Variants in GRM8 observed in about 807,000 individuals in gnomAD.
The protein encoded by GRM8 is metabotropic glutamate receptor 8.
A neutral mutation model predicts 87.2 loss-of-function variants in GRM8; 47 were observed. That is an observed-to-expected ratio of 0.54 (90% confidence interval 0.43 to 0.69). The LOEUF (loss-of-function observed/expected upper bound fraction) is 0.69, where lower values mean the gene tolerates loss of function less well. GRM8 is among the 30% of genes least tolerant of loss of function. GRM8 has a pLI of 0.00. For missense variants in GRM8, 1,019 were observed against 1,139.2 expected (o/e 0.89, Z 1.52); for synonymous variants, 396 against 404.5 (o/e 0.98, Z 0.25).
chr7:126,730,152 C>A (rs1269703605), intron 7 of GRM8, among the ~76,000 whole-genome samples: 1 of 152,088 alleles, frequency 6.6e-6, no homozygotes, highest in Non-Finnish European at 1.5e-5. Flanking sequence ...TGATGTAAGA[C>A]TCATGGAACT....
intron 3 of GRM8, among the ~76,000 whole-genome samples, chr7:126,965,768 T>A (rs764988628): frequency 1.8e-4 from 28 of 152,070 alleles, no homozygotes; most frequent in Non-Finnish European, 3.5e-4. Context: ...ACCACTGGCA[T>A]CCCCACTGAC....
At chr7:126,975,953 A>G (rs1173977860) in intron 3 of GRM8, among the ~76,000 whole-genome samples, 1 of 152,098 alleles carries the variant, frequency 6.6e-6, no homozygotes, top group Non-Finnish European at 1.5e-5. Flanking sequence ...TTTAATTATT[A>G]TTAATTTTCT....
At chr7:126,947,072 G>T (rs767745339) in intron 3 of GRM8, among the ~76,000 whole-genome samples, 12 of 152,118 alleles carry the variant, frequency 7.9e-5, no homozygotes, top group Non-Finnish European at 1.8e-4. Context: ...GGTTATTTTA[G>T]CACATCTTCT....
At chr7:126,495,549 T>C (rs1350090700) in intron 9 of GRM8, among the ~76,000 whole-genome samples, 1 of 151,972 alleles carries the variant, frequency 6.6e-6, no homozygotes, top group Non-Finnish European at 1.5e-5. Context: ...AACTTAAATG[T>C]AGAATTCTAA....
At chr7:126,631,777 G>A (rs187509807) in intron 7 of GRM8, among the ~76,000 whole-genome samples, 1 of 152,256 alleles carries the variant, frequency 6.6e-6, no homozygotes, top group East Asian at 1.9e-4. Flanking sequence ...AACAAGCAAT[G>A]GCAGAAGGAC....
chr7:126,483,534 T>C (rs566262880), intron 9 of GRM8, among the ~76,000 whole-genome samples: 1 of 135,674 alleles, frequency 7.4e-6, no homozygotes, highest in African/African-American at 2.7e-5. Context: ...ATTGAAGGGC[T>C]GACAAAAACC....
At chr7:126,615,930 AC>A (rs1457466089) in intron 7 of GRM8, among the ~76,000 whole-genome samples, 1 of 152,166 alleles carries the variant, frequency 6.6e-6, no homozygotes, top group African/African-American at 2.4e-5. Context: ...ATAATGGGAG[AC>A]TTTAACACCC....
At chr7:127,131,596 G>A (rs150652726) in intron 2 of GRM8, among the ~76,000 whole-genome samples, 14 of 151,984 alleles carry the variant, frequency 9.2e-5, no homozygotes, top group Admixed American at 2.0e-4. Context: ...TGGGGACACT[G>A]GTTTAAGGTA....
At chr7:126,810,089 A>G (rs1793146049) in intron 6 of GRM8, among the ~76,000 whole-genome samples, 1 of 152,180 alleles carries the variant, frequency 6.6e-6, no homozygotes. Flanking sequence ...CTCTCATTAT[A>G]AAGACAATTC....
At chr7:127,082,978 A>G (rs1216568234) in intron 3 of GRM8, among the ~76,000 whole-genome samples, 1 of 152,160 alleles carries the variant, frequency 6.6e-6, no homozygotes, top group African/African-American at 2.4e-5. Context: ...ACAGAAACAC[A>G]ACCAAGAGGA....
intron 9 of GRM8, among the ~76,000 whole-genome samples, chr7:126,503,769 C>T (rs1055639671): frequency 6.6e-6 from 1 of 151,994 alleles, no homozygotes; most frequent in Non-Finnish European, 1.5e-5. Flanking sequence ...CTCATGTAGA[C>T]AGGGGAGTTG....
chr7:127,036,847 C>T (rs1222109822), intron 3 of GRM8, among the ~76,000 whole-genome samples: 2 of 152,124 alleles, frequency 1.3e-5, no homozygotes, highest in African/African-American at 2.4e-5. Context: ...TTTCAACTAA[C>T]CAGGTTTTTC....
intron 2 of GRM8, among the ~76,000 whole-genome samples, chr7:127,231,435 T>A (rs1407127629): frequency 6.6e-6 from 1 of 152,222 alleles, no homozygotes; most frequent in East Asian, 1.9e-4. Flanking sequence ...TAGGGCATAA[T>A]TGATATGTTT....
At chr7:126,825,976 T>C (rs1018636954) in intron 6 of GRM8, among the ~76,000 whole-genome samples, 10 of 151,826 alleles carry the variant, frequency 6.6e-5, no homozygotes, top group Non-Finnish European at 1.2e-4. Context: ...CAGTGTTTAG[T>C]TTTTTGTCCT....
In GRM8 at chr7:126,801,206, G is replaced by A. The variant is rs1822635812; in HGVS notation, c.1157-31141C>T. ...TATACTGCTAGTGATAGTATAAGTT[G>A]ATTCCCATTCTCTAGATAACCATTT... On this transcript the variant is annotated intron_variant, in intron 6 of 10. Transcript: ENST00000339582. Among the ~76,000 whole-genome samples the A allele has an allele frequency of 2.0e-5, 3 of 152,064 alleles. No homozygotes were observed. The South Asian group carries it at 6.2e-4, about 31-fold the overall frequency.
At chr7:126,500,315 T>C (rs1166997456) in intron 9 of GRM8, among the ~76,000 whole-genome samples, 3 of 152,024 alleles carry the variant, frequency 2.0e-5, no homozygotes, top group Non-Finnish European at 4.4e-5. Flanking sequence ...TGCAGGTTTC[T>C]TCTTGTTAGT....
At chr7:127,220,622 C>A (rs1013951056) in intron 2 of GRM8, among the ~76,000 whole-genome samples, 12 of 151,882 alleles carry the variant, frequency 7.9e-5, no homozygotes, top group African/African-American at 2.9e-4. Context: ...GTAGCTGGGA[C>A]TATAGGTGCA....
intron 7 of GRM8, among the ~76,000 whole-genome samples, chr7:126,631,792 G>A (rs1342312201): frequency 2.0e-5 from 3 of 152,004 alleles, no homozygotes; most frequent in Admixed American, 6.6e-5. Context: ...AAGGACTCCC[G>A]ATTTAATAAA....
At chr7:126,560,856 TATACACATAA>T (rs1793617857) in intron 8 of GRM8, among the ~76,000 whole-genome samples, 1 of 152,152 alleles carries the variant, frequency 6.6e-6, no homozygotes, top group Non-Finnish European at 1.5e-5. Flanking sequence ...GCTAAGAAAA[TATACACATAA>T]ATGATAATCC....
Sources: gnomAD v4.1 joint callset for allele counts (sites outside exome capture counted in the v4.1 genomes callset) on GRCh38, gnomAD v4.1.1 for gene constraint, MANE v1.5 for transcripts, NCBI Gene and HGNC (gene_info 2026-07-23, HGNC 2026-07-21) for gene names.